The following SIGLEC10 variants were observed in gnomAD, a reference collection of about 807,000 sequenced individuals.
SIGLEC10 encodes the protein sialic acid-binding Ig-like lectin 10.
In SIGLEC10, 45 loss-of-function variants were observed where a neutral mutation model predicts 68.3. The observed-to-expected ratio is 0.66, with a 90% CI of 0.52 to 0.84. The LOEUF is 0.84. Ranked by LOEUF, SIGLEC10 falls within the 40% of genes least tolerant of loss-of-function variation. The probability of loss-of-function intolerance (pLI) is 0.00; values close to 1 mark genes in which losing one functional copy is unlikely to be tolerated. For synonymous variants in SIGLEC10, 379 were observed against 370.8 expected, an observed-to-expected ratio of 1.02 and a Z score of -0.26; for missense variants, 789 against 883.1, an observed-to-expected ratio of 0.89 and a Z score of 1.35.
At position 51,415,004 on chromosome 19, in the gene SIGLEC10, C is replaced by A. The variant is rs770146363; in HGVS notation, c.1435G>T (p.Gly479Trp). Residue 479 changes from glycine (G) to tryptophan (W), a missense_variant, in exon 8 of 11, where the codon GGG becomes TGG. Coordinates refer to ENST00000339313, the MANE Select transcript of SIGLEC10 (RefSeq NM_033130.5). The stretch of plus-strand genomic sequence containing the variant: ...CTGTTCCCCTCCAGCAGCTCCTCCC[C>A]AAGCCACCAGCGCAGAGAGGGGGCC... ...SPAPSLRWWL[G>W]EELLEGNSSQ... The A allele has an allele frequency of 3.1e-6, 5 of 1,612,286 alleles. No individual in the cohort carries two copies. Among genetic ancestry groups the A allele is most frequent in the Non-Finnish European group, 4.2e-6 (5 of 1,179,696 alleles).
chr19:51,416,108 G>A lies in SIGLEC10; in HGVS notation c.814C>T (p.Leu272=). 1 of 1,609,020 alleles carries A rather than the reference G, an allele frequency of 6.2e-7. No homozygotes were observed. ...CTGTCAGCAGCACAGAGGAGCCGCA[G>A]GAACTGGCCTTTTTGGGCTTCCAGG... is the stretch of plus-strand genomic sequence containing the variant. ...PYLEAQKGQF[L]RLLCAADSQP... Residue 272 remains leucine (L), a synonymous_variant, in exon 5 of 11, where the codon CTG becomes TTG. Transcript: ENST00000339313.
At chr19:51,415,814 C>A in intron 5 of SIGLEC10, 84 bp downstream of exon 5, 1 of 1,592,124 alleles carries the variant, frequency 6.3e-7, no homozygotes, top group Non-Finnish European at 8.5e-7. Context: ...GGCTCCAGGC[C>A]CCCTCAGCTC....
rs117168423 is a variant in SIGLEC10 at position 51,414,312 on chromosome 19, A to G, written c.1709+110T>C. 1.4e-3 allele frequency: 1,191 copies of G among 843,414 alleles called. 7 individuals carry two copies. Among genetic ancestry groups the G allele is most frequent in the East Asian group, 1.0e-2 (376 of 37,758 alleles). 52.2% of individuals were successfully genotyped at this position (843,414 alleles called of 1,614,324 possible). A position where few individuals can be genotyped will look rare whatever the true frequency, so the allele number is the denominator to read the frequency against. The stretch of plus-strand genomic sequence containing the variant: ...GAACAGTTTGCTGTTTACTCATGTA[A>G]CCTCCAGAGGTATACTGCGTTGATC... On this transcript the variant is annotated intron_variant, in intron 9 of 10. Transcript: ENST00000339313. This position sits in a 1 kb window ranked among gnomAD's most constrained non-coding sequence, Gnocchi z 4.1.
intron 2 of SIGLEC10, 43 bp from the exon 3 acceptor site, chr19:51,416,993 T>A: frequency 6.3e-7 from 1 of 1,592,896 alleles, no homozygotes; most frequent in Non-Finnish European, 8.6e-7. Context: ...GCTGCAGGGG[T>A]CCCTGAGAGC....
chr19:51,414,845 C>T lies in SIGLEC10; in HGVS notation c.1594G>A (p.Gly532Arg). 1 of 1,613,942 alleles carries T rather than the reference C, an allele frequency of 6.2e-7. No individual in the cohort carries two copies. Among genetic ancestry groups the T allele is most frequent in the Non-Finnish European group, 8.5e-7 (1 of 1,179,946 alleles). ...TAACCTGGCAGCTGCAGGATGGATC[C>T]ACTCTGGGCCCCATGGACGTTCCAG... ...EAWNVHGAQS[G>R]SILQLPDKKG... The change falls in exon 8 of 11, where the codon GGA (glycine) becomes AGA (arginine). Residue 532 changes from glycine (G) to arginine (R), a missense_variant. Coordinates refer to ENST00000339313, the MANE Select transcript of SIGLEC10 (RefSeq NM_033130.5). This position sits in a 1 kb window ranked among gnomAD's most constrained non-coding sequence, Gnocchi z 4.1.
Position 51,414,719 on chromosome 19 carries a change from G to C in SIGLEC10, c.1615+105C>G, listed in dbSNP as rs1346570105. 6.5e-7 allele frequency: 1 copy of C among 1,537,070 alleles called. No individual in the cohort carries two copies. The highest frequency in any genetic ancestry group is 8.9e-7 in the Non-Finnish European group (1 of 1,123,810). The stretch of plus-strand genomic sequence containing the variant: ...TTTCCTGTCTACATACAGATGCCAC[G>C]GGTCTGCTGTGTCCCTCCAAGCTCC... On this transcript the variant is annotated intron_variant, in intron 8 of 10. Coordinates refer to ENST00000339313, the MANE Select transcript of SIGLEC10 (RefSeq NM_033130.5). This position sits in a 1 kb window ranked among gnomAD's most constrained non-coding sequence, Gnocchi z 4.1.
At chr19:51,416,264 C>T in intron 4 of SIGLEC10, 46 bp downstream of exon 4, 3 of 1,613,658 alleles carry the variant, frequency 1.9e-6, no homozygotes, top group Middle Eastern at 1.7e-4. Context: ...GAAGCCTTTT[C>T]ATCTAAAGAC....
Position 51,414,824 on chromosome 19 carries a change from C to T in SIGLEC10, c.1615G>A (p.Asp539Asn). Residue 539 changes from aspartate to asparagine, a missense_variant and splice_region_variant, in exon 8 of 11, where the codon GAT (aspartate) becomes AAT (asparagine). Asp to Asn is a conservative substitution (Grantham distance 23). Transcript: ENST00000339313. The surrounding 1 kb of genome is among the most constrained non-coding windows in gnomAD (Gnocchi z 4.1). Reference protein sequence around the residue: ...AQSGSILQLPDKKGLISTAFS... With the variant: ...AQSGSILQLPNKKGLISTAFS... The stretch of plus-strand genomic sequence containing the variant: ...CTTGGCATCCAGGCGGCCCCCTAAC[C>T]TGGCAGCTGCAGGATGGATCCACTC... 1.2e-6 allele frequency: 2 copies of T among 1,613,076 alleles called. No homozygotes were observed. The highest frequency in any genetic ancestry group is 1.7e-6 in the Non-Finnish European group (2 of 1,179,698).
At chr19:51,411,707 G>A (rs1313100517) in intron 10 of SIGLEC10, among the ~76,000 whole-genome samples, 1 of 152,162 alleles carries the variant, frequency 6.6e-6, no homozygotes, top group East Asian at 1.9e-4. Context: ...TTAGCCGGGC[G>A]TGGTGACACA....
chr19:51,416,509 C>T, intron 3 of SIGLEC10, 152 bp from the exon 4 acceptor site: 1 of 1,581,018 alleles, frequency 6.3e-7, no homozygotes, highest in Non-Finnish European at 8.6e-7. Flanking sequence ...ACGCCATTCC[C>T]ATCCCCCTCC....
At position 51,416,789 on chromosome 19, in the gene SIGLEC10, A is replaced by G. The variant is rs867779814; in HGVS notation, c.583T>C (p.Ser195Pro). The G allele has an allele frequency of 3.1e-6, 5 of 1,614,138 alleles. No homozygotes were observed. In the Middle Eastern group the frequency reaches 8.2e-4, roughly 266 times the overall value. Reference protein sequence around the residue: ...LSSQGTKPTTSHFSVLSFTPR... With the variant: ...LSSQGTKPTTPHFSVLSFTPR... ...GTGAAGCTGAGCACTGAGAAGTGGG[A>G]GGTCGTTGGTTTGGTTCCTTGGGAG... The change falls in exon 3 of 11, where the codon TCC becomes CCC. Residue 195 changes from serine (S) to proline (P), a missense_variant. Transcript: ENST00000339313.
Position 51,414,308 on chromosome 19 carries a change from T to A in SIGLEC10, c.1709+114A>T. 2.4e-6 allele frequency: 2 copies of A among 816,384 alleles called. No homozygotes were observed. The highest frequency in any genetic ancestry group is 4.0e-6 in the Non-Finnish European group (2 of 499,140). The allele number at this position is 816,384 out of a possible 1,614,324, so 50.6% of individuals were successfully genotyped here. A position where few individuals can be genotyped will look rare whatever the true frequency, so the allele number is the denominator to read the frequency against. On this transcript the variant is annotated intron_variant, in intron 9 of 10. Coordinates refer to ENST00000339313, the MANE Select transcript of SIGLEC10 (RefSeq NM_033130.5). The surrounding 1 kb of genome is among the most constrained non-coding windows in gnomAD (Gnocchi z 4.1). ...ATGAGAACAGTTTGCTGTTTACTCA[T>A]GTAACCTCCAGAGGTATACTGCGTT...
In SIGLEC10 at chr19:51,414,429, GGGCCA is replaced by G; in HGVS notation, c.1697_1701del (p.Leu566ProfsTer113). 5.6e-6 allele frequency: 9 copies of G among 1,613,618 alleles called. No homozygotes were observed. The highest frequency in any genetic ancestry group is 7.6e-6 in the Non-Finnish European group (9 of 1,179,828). On this transcript the variant is annotated frameshift_variant, in exon 9 of 11. Coordinates refer to ENST00000339313, the MANE Select transcript of SIGLEC10 (RefSeq NM_033130.5). LOFTEE classifies it high-confidence loss of function. This position sits in a 1 kb window ranked among gnomAD's most constrained non-coding sequence, Gnocchi z 4.1. ...CGCCTCCTCTTAACCTACATGATCA[GGGCCA>G]GGCAGAGGAAAAGAAGAGCCGTGAT...
chr19:51,417,063 T>C lies in SIGLEC10; in HGVS notation c.421+19A>G. On this transcript the variant is annotated intron_variant, in intron 2 of 10. Transcript: ENST00000339313. ...CCCTCCCCAGTGTGAGAGGCAGGGG[T>C]TCCCACCCCATTCCATACCTGTTAC... 6.2e-7 allele frequency: 1 copy of C among 1,608,858 alleles called. No individual in the cohort carries two copies. The highest frequency in any genetic ancestry group is 8.5e-7 in the Non-Finnish European group (1 of 1,177,070).
intron 4 of SIGLEC10, 21 bp downstream of exon 4, chr19:51,416,289 C>T: frequency 1.4e-5 from 22 of 1,614,058 alleles, no homozygotes; most frequent in Non-Finnish European, 1.9e-5. Context: ...GGCCCAGCCC[C>T]AGCCCGACGG....
intron 7 of SIGLEC10, 31 bp from the exon 8 acceptor site, chr19:51,415,139 G>A: frequency 1.9e-6 from 3 of 1,577,960 alleles, no homozygotes; most frequent in Non-Finnish European, 2.6e-6. Flanking sequence ...ACTCAGCAGG[G>A]TCCCCTTCCT....
chr19:51,415,238 A>G lies in SIGLEC10; in HGVS notation c.1273T>C (p.Cys425Arg). The change falls in exon 7 of 11, where the codon TGC becomes CGC. Residue 425 changes from cysteine to arginine, a missense_variant. Coordinates refer to ENST00000339313, the MANE Select transcript of SIGLEC10 (RefSeq NM_033130.5). The stretch of plus-strand genomic sequence containing the variant: ...GAGCCCAGTGGGTGCCGAGCGTGGC[A>G]GGTGAACTCTCCTTCGTGCTCCACT... ...VQVEHEGEFT[C>R]HARHPLGSQH... 1 of 1,614,012 alleles carries G rather than the reference A, an allele frequency of 6.2e-7. No homozygotes were observed. Among genetic ancestry groups the G allele is most frequent in the Non-Finnish European group, 8.5e-7 (1 of 1,179,940 alleles).
Position 51,416,318 on chromosome 19 carries a change from T to C in SIGLEC10, c.746A>G (p.Asn249Ser), listed in dbSNP as rs1988651101. The change falls in exon 4 of 11, where the codon AAC (asparagine) becomes AGC (serine). Residue 249 changes from asparagine (N) to serine (S), a missense_variant. Transcript: ENST00000339313. ...RDLVISISRD[N>S]TPALEPQPQG... ...CCGACGGCCCTCAGTACCTGGCGTG[T>C]TGTCACGTGAAATGCTGATAACAAG... The C allele has an allele frequency of 6.2e-7, 1 of 1,613,946 alleles. No individual in the cohort carries two copies. The highest frequency in any genetic ancestry group is 1.3e-5 in the African/African-American group (1 of 74,898).
Position 51,415,023 on chromosome 19 carries a change from G to C in SIGLEC10, c.1416C>G (p.Pro472=), listed in dbSNP as rs775265473. 2.0e-5 allele frequency: 33 copies of C among 1,610,194 alleles called. No individual in the cohort carries two copies. The highest frequency in any genetic ancestry group is 2.4e-5 in the Non-Finnish European group (28 of 1,178,954). The change falls in exon 8 of 11, where the codon CCC becomes CCG. Residue 472 remains proline (P), a synonymous_variant. Transcript: ENST00000339313. ...CSCSSQASPA[P]SLRWWLGEEL... is the part of the protein sequence containing the mutation. ...CCTCCCCAAGCCACCAGCGCAGAGA[G>C]GGGGCCGGGCTGGCCTGGGAGGAGC...
Sources: allele counts gnomAD v4.1 joint callset (sites outside exome capture counted in the v4.1 genomes callset), GRCh38; gene constraint gnomAD v4.1.1; non-coding constraint Gnocchi (gnomAD v3.1); transcripts MANE v1.5; gene names NCBI Gene and HGNC (gene_info 2026-07-23, HGNC 2026-07-21).